The following ACTN1 variants were observed in gnomAD, a reference collection of about 807,000 sequenced individuals.
ACTN1 encodes alpha-actinin-1.
A neutral mutation model predicts 119.6 loss-of-function variants in ACTN1; 30 were observed. The observed-to-expected ratio is 0.25, with a 90% CI of 0.19 to 0.34. The LOEUF is 0.34. ACTN1 is among the 10% of genes least tolerant of loss of function. The pLI is 1.00. For missense variants in ACTN1, 764 were observed against 1,223.4 expected, an observed-to-expected ratio of 0.62 and a Z score of 5.60; for synonymous variants, 429 against 472.6, an observed-to-expected ratio of 0.91 and a Z score of 1.20.
chr14:68,890,164 G>A lies in ACTN1; in HGVS notation c.1209C>T (p.Ala403=). The change falls in exon 11 of 22, where the codon GCC becomes GCT. Residue 403 remains alanine, a synonymous_variant. Coordinates refer to ENST00000394419, the MANE Select transcript of ACTN1 (RefSeq NM_001130004.2). ...CGTCAGTCCAGGCCTCGTGGATGGA[G>A]GCCTTCTGCCGGAACTTCTCTGCCA... ...DHLAEKFRQK[A]SIHEAWTDGK... is the part of the protein sequence containing the mutation. 6.2e-7 allele frequency: 1 copy of A among 1,614,096 alleles called. No individual in the cohort carries two copies. Among genetic ancestry groups the A allele is most frequent in the South Asian group, 1.1e-5 (1 of 91,062 alleles).
chr14:68,888,436 G>A (rs950789277), intron 11 of ACTN1, among the ~76,000 whole-genome samples: 1 of 152,160 alleles, frequency 6.6e-6, no homozygotes, highest in African/African-American at 2.4e-5. Flanking sequence ...CCTCCACTCT[G>A]CCCGTCACGT....
rs939836123 is a variant in ACTN1, at chr14:68,907,091, G to A, written c.594+2227C>T. On this transcript the variant is annotated intron_variant, in intron 6 of 21. Transcript: ENST00000394419. Reference sequence around the variant, plus strand: ...AGTTCGAGACCAGCCTGGCCAACATGGTGAAATCCTGTCTCTACTAAAAAT... The same window carrying A: ...AGTTCGAGACCAGCCTGGCCAACATAGTGAAATCCTGTCTCTACTAAAAAT... Among the ~76,000 whole-genome samples the A allele has an allele frequency of 4.6e-5, 7 of 151,552 alleles. No individual in the cohort carries two copies. The South Asian group carries it at 1.3e-3, about 27-fold the overall frequency.
At chr14:68,907,671 C>T (rs1193496707) in intron 6 of ACTN1, among the ~76,000 whole-genome samples, 3 of 152,120 alleles carry the variant, frequency 2.0e-5, no homozygotes, top group Non-Finnish European at 4.4e-5. Flanking sequence ...AGGGATAGTG[C>T]GTGGGAGAGT....
At chr14:68,884,021 G>T in intron 14 of ACTN1, 147 bp downstream of exon 14, 2 of 857,948 alleles carry the variant, frequency 2.3e-6, no homozygotes, top group Non-Finnish European at 3.4e-6. Context: ...ATATTATCTT[G>T]TCAAAATAAG....
chr14:68,936,306 A>T (rs1346554497), intron 1 of ACTN1, among the ~76,000 whole-genome samples: 1 of 152,128 alleles, frequency 6.6e-6, no homozygotes, highest in Non-Finnish European at 1.5e-5. Flanking sequence ...CCTTCTCAGC[A>T]AGCAGAATCC....
rs540194477 is a variant in ACTN1 at position 68,953,209 on chromosome 14, C to T, written c.105+25743G>A. Among the ~76,000 whole-genome samples, 22 of 152,200 alleles carry T rather than the reference C, an allele frequency of 1.4e-4. 1 individual carries two copies. In the South Asian group the frequency reaches 4.6e-3, roughly 32 times the overall value. On this transcript the variant is annotated intron_variant, in intron 1 of 21. Coordinates refer to ENST00000394419, the MANE Select transcript of ACTN1 (RefSeq NM_001130004.2). The stretch of plus-strand genomic sequence containing the variant: ...TCACAGCTGTGATGATCTGAAAATC[C>T]CTCTTAGGCAAACTCAACTCTCCTG...
At chr14:68,910,552 CTGCCCTCTGT>C (rs1354317076) in intron 4 of ACTN1, among the ~76,000 whole-genome samples, 2 of 152,190 alleles carry the variant, frequency 1.3e-5, no homozygotes, top group Non-Finnish European at 2.9e-5. Flanking sequence ...ATCAATACTG[CTGCCCTCTGT>C]GTGTGAAGCA....
chr14:68,961,989 C>A (rs1306181274), intron 1 of ACTN1, among the ~76,000 whole-genome samples: 1 of 152,242 alleles, frequency 6.6e-6, no homozygotes. Flanking sequence ...CCCATCTACC[C>A]CCTGGACCAC....
chr14:68,891,933 G>T, intron 10 of ACTN1, 120 bp downstream of exon 10: 1 of 1,258,270 alleles, frequency 7.9e-7, no homozygotes, highest in East Asian at 2.5e-5. Flanking sequence ...AGCAGTGTAT[G>T]TAGGTAGAAG....
intron 1 of ACTN1, among the ~76,000 whole-genome samples, chr14:68,957,305 C>T (rs2268973): frequency 0.26 from 39,358 of 152,100 alleles, 5,269 homozygotes; most frequent in Admixed American, 0.3. Context: ...CCTCTTCCCC[C>T]AAGAGACACC....
intron 1 of ACTN1, among the ~76,000 whole-genome samples, chr14:68,973,036 C>T (rs549839939): frequency 6.6e-6 from 1 of 152,180 alleles, no homozygotes; most frequent in Non-Finnish European, 1.5e-5. Flanking sequence ...TTGGGGCCTG[C>T]CCATCACTAG....
chr14:68,939,500 G>A (rs919461616), intron 1 of ACTN1, among the ~76,000 whole-genome samples: 2 of 152,134 alleles, frequency 1.3e-5, no homozygotes, highest in Admixed American at 1.3e-4. Flanking sequence ...CACGAGGGAG[G>A]GCTATGTGAG....
intron 1 of ACTN1, among the ~76,000 whole-genome samples, chr14:68,957,764 G>A (rs1481009790): frequency 1.3e-5 from 2 of 152,126 alleles, no homozygotes; most frequent in Non-Finnish European, 2.9e-5. Flanking sequence ...AGCATGGGAA[G>A]GGGTCTCCCT....
intron 7 of ACTN1, among the ~76,000 whole-genome samples, chr14:68,903,341 G>A (rs1436307734): frequency 6.6e-5 from 10 of 152,234 alleles, no homozygotes; most frequent in African/African-American, 1.9e-4. Context: ...CCAGGAGTTC[G>A]AGACCAGCCT....
chr14:68,954,791 C>A (rs1250682637), intron 1 of ACTN1, among the ~76,000 whole-genome samples: 4 of 152,212 alleles, frequency 2.6e-5, no homozygotes, highest in Admixed American at 6.5e-5. Flanking sequence ...ATGTGCAACA[C>A]CTTAAGAAAT....
chr14:68,906,089 G>A (rs545290618), intron 6 of ACTN1, among the ~76,000 whole-genome samples: 1 of 152,106 alleles, frequency 6.6e-6, no homozygotes, highest in South Asian at 2.1e-4. Flanking sequence ...AGGAAAGAAC[G>A]GGGAACTACC....
At chr14:68,960,474 T>G (rs1016404080) in intron 1 of ACTN1, among the ~76,000 whole-genome samples, 1 of 152,166 alleles carries the variant, frequency 6.6e-6, no homozygotes, top group Non-Finnish European at 1.5e-5. Flanking sequence ...CTGAAATATA[T>G]ATAATTTAAA....
At chr14:68,910,822 G>A (rs1191441073) in intron 4 of ACTN1, among the ~76,000 whole-genome samples, 1 of 152,164 alleles carries the variant, frequency 6.6e-6, no homozygotes, top group Non-Finnish European at 1.5e-5. Context: ...GAGGTCTGAT[G>A]GTTTTCTAAG....
chr14:68,974,513 T>A (rs2036997804), intron 1 of ACTN1, among the ~76,000 whole-genome samples: 1 of 152,070 alleles, frequency 6.6e-6, no homozygotes. Context: ...GCTCTGCCCT[T>A]TCAGGCATCT....
Sources: gnomAD v4.1 joint callset for allele counts (sites outside exome capture counted in the v4.1 genomes callset) on GRCh38, gnomAD v4.1.1 for gene constraint, MANE v1.5 for transcripts, NCBI Gene and HGNC (gene_info 2026-07-23, HGNC 2026-07-21) for gene names.